The following NFIB variants were observed in gnomAD, a reference collection of about 807,000 sequenced individuals.
NFIB encodes nuclear factor 1 B-type.
NFIB carries 11 observed loss-of-function variants against 61.5 expected under a neutral mutation model. The ratio of observed to expected loss-of-function variants is 0.18; its 90% CI spans 0.11 to 0.30. NFIB has a LOEUF of 0.30. Ranked by LOEUF, NFIB falls within the 10% of genes least tolerant of loss-of-function variation. NFIB has a pLI of 1.00. For synonymous variants in NFIB, 260 were observed against 216.5 expected (o/e 1.20, Z -1.76); for missense variants, 471 against 608.9 (o/e 0.77, Z 2.38).
upstream of NFIB, among the ~76,000 whole-genome samples, chr9:14,316,614 T>C (rs2060547536): frequency 6.6e-6 from 1 of 152,118 alleles, no homozygotes; most frequent in Non-Finnish European, 1.5e-5. Flanking sequence ...GGTGACAGGG[T>C]TAATCCAAGT....
At chr9:14,420,793 C>G in the NFIB span, among the ~76,000 whole-genome samples, 1 of 152,120 alleles carries the variant, frequency 6.6e-6, no homozygotes, top group East Asian at 1.9e-4. Flanking sequence ...AAACTTCCTA[C>G]CAGGGGAAAT....
At chr9:14,347,322 G>C (rs1232701405) in intron 1 of NFIB, 1 of 152,240 alleles carries the variant, frequency 6.6e-6, no homozygotes, top group Non-Finnish European at 1.5e-5. Flanking sequence ...CAGTGCCTTC[G>C]GGGGCTCCAC....
chr9:14,245,804 CAGACATTGCAGTG>C (rs1360067466), intron 2 of NFIB, among the ~76,000 whole-genome samples: 1 of 152,016 alleles, frequency 6.6e-6, no homozygotes, highest in Admixed American at 6.6e-5. Flanking sequence ...ACCCGGGAGG[CAGACATTGCAGTG>C]AGCCGAGATC....
chr9:14,317,682 ACTT>A (rs1026706673), upstream of NFIB, among the ~76,000 whole-genome samples: 22 of 152,318 alleles, frequency 1.4e-4, no homozygotes, highest in South Asian at 6.2e-4. Flanking sequence ...CCCCCAAAAC[ACTT>A]CTTCTTGTCC....
At chr9:14,135,858 A>T (rs2040983254) in intron 6 of NFIB, among the ~76,000 whole-genome samples, 1 of 152,154 alleles carries the variant, frequency 6.6e-6, no homozygotes, top group South Asian at 2.1e-4. Flanking sequence ...TGAAATTCTT[A>T]CTTTAATTAC....
chr9:14,437,270 A>G, the NFIB span, among the ~76,000 whole-genome samples: 1 of 152,238 alleles, frequency 6.6e-6, no homozygotes, highest in East Asian at 1.9e-4. Context: ...TCAAAGCAGG[A>G]GAATCTTATA....
chr9:14,499,676 C>A, the NFIB span, among the ~76,000 whole-genome samples: 2 of 152,170 alleles, frequency 1.3e-5, no homozygotes, highest in Admixed American at 1.3e-4. Context: ...CAAGCTCACA[C>A]AGCCAGAAAC....
the NFIB span, among the ~76,000 whole-genome samples, chr9:14,500,396 C>T: frequency 6.6e-6 from 1 of 152,020 alleles, no homozygotes; most frequent in African/African-American, 2.4e-5. Context: ...ATATGTAAAA[C>T]AATTAGAAGA....
chr9:14,314,250 G>C, upstream of NFIB: 1 of 699,104 alleles, frequency 1.4e-6, no homozygotes, highest in Non-Finnish European at 1.8e-6. Flanking sequence ...TGATCTCTGG[G>C]GCGGAAGAGG....
intron 2 of NFIB, among the ~76,000 whole-genome samples, chr9:14,283,730 G>A (rs1421811762): frequency 6.6e-6 from 1 of 152,178 alleles, no homozygotes; most frequent in Non-Finnish European, 1.5e-5. Flanking sequence ...GTTGTGCGTT[G>A]GCATCCAGGA....
chr9:14,319,524 T>G (rs1289946522), intron 1 of NFIB, among the ~76,000 whole-genome samples: 1 of 152,246 alleles, frequency 6.6e-6, no homozygotes, highest in African/African-American at 2.4e-5. Flanking sequence ...CTGCTGATAT[T>G]GAGAGAGTTG....
At chr9:14,426,336 T>C in the NFIB span, among the ~76,000 whole-genome samples, 1 of 152,206 alleles carries the variant, frequency 6.6e-6, no homozygotes, top group Non-Finnish European at 1.5e-5. Flanking sequence ...GTTTTTATAC[T>C]CTCCTCTGTG....
intron 6 of NFIB, among the ~76,000 whole-genome samples, chr9:14,146,020 C>G (rs2042244297): frequency 6.6e-6 from 1 of 152,058 alleles, no homozygotes; most frequent in African/African-American, 2.4e-5. Flanking sequence ...TAATCTCCCT[C>G]TGATTGTGGG....
chr9:14,497,893 G>C, the NFIB span, among the ~76,000 whole-genome samples: 2 of 152,208 alleles, frequency 1.3e-5, no homozygotes, highest in Non-Finnish European at 2.9e-5. Flanking sequence ...GAAGCCTCAA[G>C]ATGAAGTAAC....
At chr9:14,110,496 C>T (rs1199139673) in intron 10 of NFIB, among the ~76,000 whole-genome samples, 2 of 152,008 alleles carry the variant, frequency 1.3e-5, no homozygotes, top group Admixed American at 1.3e-4. Flanking sequence ...TGATTGATTA[C>T]CTTTATTTCA....
At chr9:14,102,347 C>A in intron 10 of NFIB, 1 of 1,238,086 alleles carries the variant, frequency 8.1e-7, no homozygotes, top group South Asian at 1.4e-5. Context: ...TTCTGTAAAG[C>A]TAGTTAAAAA....
At chr9:14,414,994 T>C in the NFIB span, among the ~76,000 whole-genome samples, 1 of 152,202 alleles carries the variant, frequency 6.6e-6, no homozygotes, top group East Asian at 1.9e-4. Context: ...CAAGTATTTA[T>C]TATCTCACAG....
rs1388443358 is a variant in NFIB, at chr9:14,144,440, G to T, written c.925+2249C>A. 4.6e-5 allele frequency among the ~76,000 whole-genome samples: 7 copies of T among 152,102 alleles called. 1 individual carries two copies. Among genetic ancestry groups the T allele is most frequent in the Admixed American group, 4.6e-4 (7 of 15,262 alleles). On this transcript the variant is annotated intron_variant, in intron 6 of 10. Coordinates refer to ENST00000380953, the MANE Select transcript of NFIB (RefSeq NM_001190737.2). Reference sequence around the variant, plus strand: ...GTAAAACAAGCAATAAAATATAAAGGGTTGAGGGTTTTGTTTTTCGTTTCA... The same window carrying T: ...GTAAAACAAGCAATAAAATATAAAGTGTTGAGGGTTTTGTTTTTCGTTTCA...
intron 2 of NFIB, among the ~76,000 whole-genome samples, chr9:14,239,175 T>C (rs2132022733): frequency 6.6e-6 from 1 of 152,308 alleles, no homozygotes; most frequent in East Asian, 1.9e-4. Flanking sequence ...ACCAAAAAGG[T>C]TTGTAGTATT....
Sources: gnomAD v4.1 joint callset for allele counts (sites outside exome capture counted in the v4.1 genomes callset) on GRCh38, gnomAD v4.1.1 for gene constraint, MANE v1.5 for transcripts, NCBI Gene and HGNC (gene_info 2026-07-23, HGNC 2026-07-21) for gene names.